The following GARRE1 variants were observed in gnomAD, a reference collection of about 807,000 sequenced individuals.
The protein encoded by GARRE1 is granule associated Rac and RHOG effector 1, also known as granule associated Rac and RHOG effector protein 1.
Under a neutral mutation model 103.2 loss-of-function variants are expected in GARRE1, and 49 were observed. That is an observed-to-expected ratio of 0.47 (90% CI 0.38 to 0.60). The LOEUF (loss-of-function observed/expected upper bound fraction) is 0.60, where lower values mean the gene tolerates loss of function less well. GARRE1 is among the 20% of genes least tolerant of loss of function. The probability of loss-of-function intolerance (pLI) is 0.00; values close to 1 mark genes in which losing one functional copy is unlikely to be tolerated. For missense variants in GARRE1, 1,199 were observed against 1,370.5 expected (o/e 0.87, Z 1.98); for synonymous variants, 505 against 532.8 (o/e 0.95, Z 0.72).
At chr19:34,312,102 C>A (rs1352315693) in intron 2 of GARRE1, among the ~76,000 whole-genome samples, 2 of 152,118 alleles carry the variant, frequency 1.3e-5, no homozygotes, top group Non-Finnish European at 2.9e-5. Flanking sequence ...AGGTGTGAGC[C>A]ACCATGCCTG....
At chr19:34,263,707 G>A (rs925406627) in intron 1 of GARRE1, among the ~76,000 whole-genome samples, 2 of 152,084 alleles carry the variant, frequency 1.3e-5, no homozygotes, top group Admixed American at 6.6e-5. Flanking sequence ...GGTTGGTCTC[G>A]AACTCCTGAC....
chr19:34,339,066 A>G (rs1357158276), intron 8 of GARRE1, among the ~76,000 whole-genome samples: 2 of 152,192 alleles, frequency 1.3e-5, no homozygotes, highest in Non-Finnish European at 2.9e-5. Context: ...GCAAGATGTG[A>G]GGGAACTAGA....
At chr19:34,262,315 T>TTTTTTTTTTTTG (rs1180314605) in intron 1 of GARRE1, among the ~76,000 whole-genome samples, 1 of 143,836 alleles carries the variant, frequency 7.0e-6, no homozygotes, top group Admixed American at 7.1e-5. Flanking sequence ...TTTTTTTTTT[T>TTTTTTTTTTTTG]GAGGCGGAGT....
chr19:34,271,654 G>C (rs1029126849), intron 1 of GARRE1, among the ~76,000 whole-genome samples: 2 of 152,100 alleles, frequency 1.3e-5, no homozygotes, highest in African/African-American at 4.8e-5. Context: ...GAGCCCAGGA[G>C]TTTGAGACCA....
chr19:34,343,662 C>T (rs542843706), intron 10 of GARRE1, among the ~76,000 whole-genome samples: 4 of 152,044 alleles, frequency 2.6e-5, no homozygotes, highest in Non-Finnish European at 5.9e-5. Flanking sequence ...GTTTGGCCAA[C>T]ATAGTGAAAC....
rs147463737 is a variant in GARRE1 at position 34,332,399 on chromosome 19, T to G, written c.1264-1305T>G. 1.3e-3 allele frequency among the ~76,000 whole-genome samples: 192 copies of G among 151,638 alleles called. 2 individuals are homozygous for G. The Middle Eastern group carries it at 0.017, about 13-fold the overall frequency. On this transcript the variant is annotated intron_variant, in intron 7 of 13. Transcript: ENST00000299505. Reference sequence around the variant, plus strand: ...CCAATGAGTTCCCCTGAAAGGAGTATGCAAAATAAGGCCAAAAGGCACAAA... The same window carrying G: ...CCAATGAGTTCCCCTGAAAGGAGTAGGCAAAATAAGGCCAAAAGGCACAAA...
chr19:34,330,559 C>T (rs2074132649), intron 7 of GARRE1, among the ~76,000 whole-genome samples: 1 of 152,076 alleles, frequency 6.6e-6, no homozygotes, highest in African/African-American at 2.4e-5. Flanking sequence ...TATATATTTG[C>T]AGGGAACCTA....
chr19:34,307,575 A>G, intron 2 of GARRE1, among the ~76,000 whole-genome samples: 1 of 147,486 alleles, frequency 6.8e-6, no homozygotes, highest in East Asian at 1.9e-4. Flanking sequence ...TTTTTTATAT[A>G]TGTATGTATA....
chr19:34,320,753 G>T (rs1357935798), intron 3 of GARRE1, among the ~76,000 whole-genome samples: 2 of 147,440 alleles, frequency 1.4e-5, no homozygotes, highest in African/African-American at 5.0e-5. Context: ...ACAGGGTCTT[G>T]CTCTGTTGCC....
intron 1 of GARRE1, among the ~76,000 whole-genome samples, chr19:34,286,359 A>G (rs2073886064): frequency 6.6e-6 from 1 of 151,598 alleles, no homozygotes; most frequent in Non-Finnish European, 1.5e-5. Context: ...AGCTGGGACT[A>G]CAGGTGCATC....
intron 1 of GARRE1, among the ~76,000 whole-genome samples, chr19:34,273,012 T>C (rs948783534): frequency 6.6e-6 from 1 of 152,210 alleles, no homozygotes; most frequent in African/African-American, 2.4e-5. Flanking sequence ...GAGACCAGTC[T>C]GGCTAACATG....
At chr19:34,326,179 T>G (rs1320928949) in intron 3 of GARRE1, among the ~76,000 whole-genome samples, 1 of 152,242 alleles carries the variant, frequency 6.6e-6, no homozygotes. Context: ...ACTGTGAGAC[T>G]CTTAGGCTTC....
At chr19:34,279,127 G>A (rs988004351) in intron 1 of GARRE1, among the ~76,000 whole-genome samples, 14 of 152,174 alleles carry the variant, frequency 9.2e-5, no homozygotes, top group African/African-American at 3.4e-4. Flanking sequence ...TCACGTCCTT[G>A]CTTTCAGTTC....
In GARRE1 at chr19:34,355,276, C is replaced by T. The variant is rs2074265929; in HGVS notation, c.*2321C>T. 6.6e-6 allele frequency: 1 copy of T among 152,630 alleles called. No homozygotes were observed. Among genetic ancestry groups the T allele is most frequent in the Non-Finnish European group, 1.5e-5 (1 of 68,020 alleles). The allele number at this position is 152,630 out of a possible 1,614,324, so 9.5% of individuals were successfully genotyped here. ...CATGGGCTGTGAGACTGTGTGAAGC[C>T]GTTTGTGTGGTCTCCATGTAGGTGC... On this transcript the variant is annotated 3_prime_UTR_variant, in exon 14 of 14. Coordinates refer to ENST00000299505, the MANE Select transcript of GARRE1 (RefSeq NM_014686.5).
intron 8 of GARRE1, among the ~76,000 whole-genome samples, chr19:34,339,419 G>A (rs2074175732): frequency 6.6e-6 from 1 of 152,208 alleles, no homozygotes; most frequent in Non-Finnish European, 1.5e-5. Flanking sequence ...TGAAGTGTTT[G>A]GGATGGGGCT....
rs779447231 is a variant in GARRE1 at position 34,328,115 on chromosome 19, T to C, written c.1068T>C (p.Phe356=). ...IGSHFLKGVS[F]NESAADNLKL... is the part of the protein sequence containing the mutation. ...CGCACTTCCTGAAGGGCGTCTCCTT[T>C]AATGAGTCGGCCGCCGACAATCTGA... The change falls in exon 6 of 14, where the codon TTT becomes TTC. Residue 356 remains phenylalanine (F), a synonymous_variant. Coordinates refer to ENST00000299505, the MANE Select transcript of GARRE1 (RefSeq NM_014686.5). 13 of 1,614,050 alleles carry C rather than the reference T, an allele frequency of 8.1e-6. No individual in the cohort carries two copies. Among genetic ancestry groups the C allele is most frequent in the Non-Finnish European group, 9.3e-6 (11 of 1,180,050 alleles).
intron 8 of GARRE1, among the ~76,000 whole-genome samples, chr19:34,337,054 T>TG (rs1456147001): frequency 2.0e-5 from 3 of 151,998 alleles, no homozygotes; most frequent in African/African-American, 7.2e-5. Flanking sequence ...AGTTCTGTTT[T>TG]TTTTTTTTTT....
chr19:34,293,521 G>A (rs1032003683), intron 1 of GARRE1, among the ~76,000 whole-genome samples: 3 of 151,112 alleles, frequency 2.0e-5, no homozygotes, highest in African/African-American at 7.3e-5. Context: ...TTAGCCTCCC[G>A]AGTAGCTGGG....
At chr19:34,258,896 T>G (rs2073694315) in intron 1 of GARRE1, among the ~76,000 whole-genome samples, 1 of 151,884 alleles carries the variant, frequency 6.6e-6, no homozygotes, top group Non-Finnish European at 1.5e-5. Context: ...GAGACCTCTG[T>G]CTCTTAAAAA....
Sources: allele counts gnomAD v4.1 joint callset (sites outside exome capture counted in the v4.1 genomes callset), GRCh38; gene constraint gnomAD v4.1.1; transcripts MANE v1.5; gene names NCBI Gene and HGNC (gene_info 2026-07-23, HGNC 2026-07-21).